SP140: variants seen among roughly 807,000 people sequenced by gnomAD.
SP140 encodes the protein nuclear body protein SP140.
Under a neutral mutation model 125.0 loss-of-function variants are expected in SP140, and 81 were observed. The observed-to-expected ratio is 0.65, with a 90% CI of 0.54 to 0.78. SP140 has a LOEUF of 0.78. SP140 is among the 30% of genes least tolerant of loss of function. The probability of loss-of-function intolerance (pLI) is 0.00; values close to 1 mark genes in which losing one functional copy is unlikely to be tolerated. For missense variants in SP140, 858 were observed against 1,037.0 expected (o/e 0.83, Z 2.37); for synonymous variants, 312 against 354.0 (o/e 0.88, Z 1.33).
At chr2:230,312,112 A>G (rs2059377760) in intron 26 of SP140, among the ~76,000 whole-genome samples, 1 of 152,212 alleles carries the variant, frequency 6.6e-6, no homozygotes, top group South Asian at 2.1e-4. Flanking sequence ...AACCCACTGA[A>G]ATAAGCAACC....
At chr2:230,302,706 T>G (rs1001827824) in intron 22 of SP140, among the ~76,000 whole-genome samples, 1 of 152,102 alleles carries the variant, frequency 6.6e-6, no homozygotes, top group Non-Finnish European at 1.5e-5. Flanking sequence ...TTATAGCAAG[T>G]ACTCTCTCAG....
chr2:230,234,797 A>T (rs994219355), intron 1 of SP140: 3 of 152,068 alleles, frequency 2.0e-5, no homozygotes, highest in Non-Finnish European at 2.9e-5. Flanking sequence ...TCTGCATGGA[A>T]TTTTTGGTAC....
chr2:230,296,601 C>T (rs2057757999), intron 21 of SP140, among the ~76,000 whole-genome samples: 1 of 152,202 alleles, frequency 6.6e-6, no homozygotes, highest in Non-Finnish European at 1.5e-5. Context: ...ACCTTGGAGG[C>T]ATTTTATCAC....
chr2:230,235,703 G>T (rs1170558255), intron 1 of SP140, among the ~76,000 whole-genome samples: 1 of 152,104 alleles, frequency 6.6e-6, no homozygotes, highest in Non-Finnish European at 1.5e-5. Context: ...TAGCAAGTAG[G>T]AATCAGAACT....
In SP140 at chr2:230,216,764, G is replaced by T. The variant is rs200699664; in HGVS notation, c.-91+2690G>T. 413 of 1,613,470 alleles carry T rather than the reference G, an allele frequency of 2.6e-4. No individual in the cohort carries two copies. The highest frequency in any genetic ancestry group is 4.8e-4 in the Admixed American group (29 of 60,012). On this transcript the variant is annotated intron_variant, in intron 3 of 4. Transcript: ENST00000456542. ...GGTGGGGGCTGGGCTGCCATGGAAG[G>T]GTTCAACATGACTCACCATGTACAT...
At chr2:230,200,184 T>C (rs1261809801), upstream of SP140, among the ~76,000 whole-genome samples, 1 of 152,232 alleles carries the variant, frequency 6.6e-6, no homozygotes, top group Admixed American at 6.5e-5. Flanking sequence ...ATTAGATATT[T>C]GTTGTTTGAA....
chr2:230,285,935 C>G (rs896558819), intron 17 of SP140, 103 bp downstream of exon 17: 1 of 866,272 alleles, frequency 1.2e-6, no homozygotes, highest in African/African-American at 1.7e-5. Flanking sequence ...ACTCATCAAG[C>G]TTAGTCAATT....
chr2:230,248,241 A>G (rs896787219), intron 8 of SP140, among the ~76,000 whole-genome samples, 176 bp downstream of exon 8: 5 of 152,220 alleles, frequency 3.3e-5, no homozygotes, highest in Admixed American at 6.5e-5. Flanking sequence ...CTGTATGTCT[A>G]TCTTACAGAC....
At chr2:230,250,557 G>C (rs1015314851) in intron 9 of SP140, among the ~76,000 whole-genome samples, 2 of 152,090 alleles carry the variant, frequency 1.3e-5, no homozygotes, top group Non-Finnish European at 2.9e-5. Context: ...TATGAGAAAG[G>C]GGGTGACAAG....
At chr2:230,201,935 T>C (rs2043223662), upstream of SP140, among the ~76,000 whole-genome samples, 1 of 152,212 alleles carries the variant, frequency 6.6e-6, no homozygotes, top group African/African-American at 2.4e-5. Flanking sequence ...ACTGTTAAAT[T>C]ACCTCACCCT....
chr2:230,198,572 C>G (rs1193424078), upstream of SP140, among the ~76,000 whole-genome samples: 1 of 151,962 alleles, frequency 6.6e-6, no homozygotes, highest in Non-Finnish European at 1.5e-5. Context: ...GCCGTGCAAC[C>G]AGTCCTGGCA....
intron 22 of SP140, among the ~76,000 whole-genome samples, chr2:230,308,473 A>T (rs1182272464): frequency 6.6e-6 from 1 of 152,252 alleles, no homozygotes; most frequent in Non-Finnish European, 1.5e-5. Flanking sequence ...AGATGGTGGA[A>T]CACACAGCAT....
At chr2:230,232,159 C>T (rs940393962) in intron 1 of SP140, among the ~76,000 whole-genome samples, 7 of 152,184 alleles carry the variant, frequency 4.6e-5, no homozygotes, top group Non-Finnish European at 1.0e-4. Flanking sequence ...TTTCTTTTCC[C>T]TCTTCTTGCC....
intron 1 of SP140, among the ~76,000 whole-genome samples, chr2:230,234,235 A>C (rs931247342): frequency 6.6e-6 from 1 of 152,086 alleles, no homozygotes; most frequent in African/African-American, 2.4e-5. Flanking sequence ...CTCATCCTGG[A>C]CTCTGTCTCT....
chr2:230,274,608 A>C (rs940399813), intron 15 of SP140, among the ~76,000 whole-genome samples: 5 of 152,170 alleles, frequency 3.3e-5, no homozygotes, highest in African/African-American at 1.2e-4. Context: ...GAATTATGAG[A>C]CCACAAATCT....
intron 22 of SP140, among the ~76,000 whole-genome samples, chr2:230,303,289 C>T (rs549433469): frequency 3.0e-4 from 46 of 152,230 alleles, no homozygotes; most frequent in Non-Finnish European, 5.9e-4. Context: ...CCTTTATGCA[C>T]ACAAACTAGA....
chr2:230,264,622 A>G (rs1027574215), intron 12 of SP140, among the ~76,000 whole-genome samples: 4 of 152,212 alleles, frequency 2.6e-5, no homozygotes, highest in African/African-American at 9.7e-5. Context: ...GGGAGGGTCT[A>G]GGGCTGAAGG....
intron 3 of SP140, among the ~76,000 whole-genome samples, chr2:230,219,401 C>A (rs1419012385): frequency 6.6e-6 from 1 of 152,132 alleles, no homozygotes; most frequent in Admixed American, 6.6e-5. Context: ...TGTCAAATGT[C>A]CTAAAACATG....
chr2:230,286,242 G>A (rs2056368218), intron 17 of SP140, among the ~76,000 whole-genome samples: 1 of 152,204 alleles, frequency 6.6e-6, no homozygotes, highest in South Asian at 2.1e-4. Flanking sequence ...TTTAAAAACA[G>A]TAAGAGTCTC....
Sources: gnomAD v4.1 joint callset for allele counts (sites outside exome capture counted in the v4.1 genomes callset) on GRCh38, gnomAD v4.1.1 for gene constraint, MANE v1.5 for transcripts, NCBI Gene and HGNC (gene_info 2026-07-23, HGNC 2026-07-21) for gene names.